Variants in RAPGEF2 observed in about 807,000 individuals in gnomAD.
The protein encoded by RAPGEF2 is PDZ domain containing guanine nucleotide exchange factor (GEF) 1.
RAPGEF2 carries 54 observed loss-of-function variants against 186.7 expected under a neutral mutation model. The ratio of observed to expected loss-of-function variants is 0.29; its 90% confidence interval spans 0.23 to 0.36. The LOEUF (loss-of-function observed/expected upper bound fraction) is 0.36. Ranked by LOEUF, RAPGEF2 falls within the 10% of genes least tolerant of loss-of-function variation. The probability of loss-of-function intolerance (pLI) is 1.00; values close to 1 mark genes in which losing one functional copy is unlikely to be tolerated. For synonymous variants in RAPGEF2, 712 were observed against 705.9 expected (o/e 1.01, Z -0.14); for missense variants, 1,532 against 2,045.0 (o/e 0.75, Z 4.84).
At chr4:159,120,977 C>T (rs1350145266) in intron 1 of RAPGEF2, among the ~76,000 whole-genome samples, 1 of 152,072 alleles carries the variant, frequency 6.6e-6, no homozygotes, top group African/African-American at 2.4e-5. Flanking sequence ...TCCTCTGCCT[C>T]CCTACTAGCT....
At chr4:159,199,816 C>G (rs1223953157) in intron 3 of RAPGEF2, among the ~76,000 whole-genome samples, 2 of 152,064 alleles carry the variant, frequency 1.3e-5, no homozygotes, top group Non-Finnish European at 2.9e-5. Flanking sequence ...GTATAAGTTA[C>G]CTTTCATTTT....
intron 26 of RAPGEF2, 60 bp from the exon 27 acceptor site, chr4:159,352,625 C>T: frequency 1.4e-6 from 2 of 1,382,466 alleles, no homozygotes; most frequent in Non-Finnish European, 2.0e-6. Flanking sequence ...ATTTGGTAGA[C>T]TTCCCTTTGA....
Position 159,353,867 on chromosome 4 carries a change from C to T in RAPGEF2, c.4472C>T (p.Thr1491Ile), listed in dbSNP as rs781764802. 1 of 1,614,160 alleles carries T rather than the reference C, an allele frequency of 6.2e-7. No homozygotes were observed. The highest frequency in any genetic ancestry group is 2.2e-5 in the East Asian group (1 of 44,888). The change falls in exon 28 of 30, where the codon ACA becomes ATA. Residue 1491 changes from threonine to isoleucine, a missense_variant. Physicochemically the swap from Thr to Ile is moderately conservative, Grantham distance 89 (BLOSUM62 -1). Around this residue, in one of 4 missense-constraint regions of RAPGEF2, gnomAD observed 594 missense variants for 608.5 expected, o/e 0.98. Coordinates refer to ENST00000691494, the MANE Select transcript of RAPGEF2 (RefSeq NM_001394067.2). This position sits in a 1 kb window ranked among gnomAD's most constrained non-coding sequence, Gnocchi z 4.3. ...AQSRASWASS[T>I]GYWGEDSEGD... ...TCCCGAGCAAGCTGGGCGTCTTCCA[C>T]AGGTTACTGGGGAGAAGACTCAGAA...
Position 159,157,663 on chromosome 4 carries a change from G to C in RAPGEF2, c.70-28979G>C, listed in dbSNP as rs570301260. ...TCTGTCTAAAGGAATTCTTCACCAA[G>C]TCCGTTCTTCAGGGGGAAGGGGAAA... On this transcript the variant is annotated intron_variant, in intron 1 of 29. Coordinates refer to ENST00000691494, the MANE Select transcript of RAPGEF2 (RefSeq NM_001394067.2). Among the ~76,000 whole-genome samples the C allele has an allele frequency of 1.1e-3, 173 of 152,310 alleles. No homozygotes were observed. The Middle Eastern group carries it at 0.02, about 18-fold the overall frequency.
chr4:159,323,564 A>G lies in RAPGEF2; in HGVS notation c.1096A>G (p.Met366Val), dbSNP rs1011909709. ...MGNSFGVSPT[M>V]DKEYMKGVMR... ...AAATAGTTTTGGTGTCTCTCCTACC[A>G]TGGACAAAGAATACATGAAAGGAGT... is the stretch of plus-strand genomic sequence containing the variant. The change falls in exon 11 of 30, where the codon ATG (methionine) becomes GTG (valine). Residue 366 changes from methionine to valine, a missense_variant. Physicochemically the swap from Met to Val is conservative, Grantham distance 21. Transcript: ENST00000691494. The G allele has an allele frequency of 6.2e-7, 1 of 1,612,070 alleles. No individual in the cohort carries two copies. Among genetic ancestry groups the G allele is most frequent in the Non-Finnish European group, 8.5e-7 (1 of 1,178,876 alleles).
At chr4:159,241,526 TAATAAATATAAA>T (rs1256191951) in intron 6 of RAPGEF2, among the ~76,000 whole-genome samples, 158 bp downstream of exon 6, 1 of 148,448 alleles carries the variant, frequency 6.7e-6, no homozygotes, top group African/African-American at 2.4e-5. Flanking sequence ...TTTGTTATAT[TAATAAATATAAA>T]AATAAATATA....
At chr4:159,127,853 T>A (rs1740532108) in intron 1 of RAPGEF2, among the ~76,000 whole-genome samples, 1 of 152,222 alleles carries the variant, frequency 6.6e-6, no homozygotes, top group South Asian at 2.1e-4. Flanking sequence ...TGTAAATTAT[T>A]TTAAGACAGT....
At chr4:159,336,638 G>A (rs917362079) in intron 17 of RAPGEF2, among the ~76,000 whole-genome samples, 1 of 152,088 alleles carries the variant, frequency 6.6e-6, no homozygotes, top group East Asian at 1.9e-4. Flanking sequence ...CAAAACGTGT[G>A]CAAGTGTCTT....
At chr4:159,342,535 T>C (rs1471258237) in intron 20 of RAPGEF2, among the ~76,000 whole-genome samples, 1 of 107,366 alleles carries the variant, frequency 9.3e-6, no homozygotes, top group Non-Finnish European at 1.9e-5. Flanking sequence ...GCTTTTATTT[T>C]ATTTTATTTT....
Position 159,323,453 on chromosome 4 carries a change from G to T in RAPGEF2, c.991-6G>T. 6.3e-7 allele frequency: 1 copy of T among 1,588,484 alleles called. No individual in the cohort carries two copies. On this transcript the variant is annotated splice_region_variant and splice_polypyrimidine_tract_variant and intron_variant, in intron 10 of 29. Transcript: ENST00000691494. ...TTTCTGCTTTGTCTTTATTTTTTTGGATTAGCTGGACTCCTGGTCAGTGAT... is the reference window on the plus strand; with the variant it reads ...TTTCTGCTTTGTCTTTATTTTTTTGTATTAGCTGGACTCCTGGTCAGTGAT...
chr4:159,240,396 C>T (rs913084255), intron 5 of RAPGEF2, among the ~76,000 whole-genome samples: 5 of 120,396 alleles, frequency 4.2e-5, no homozygotes, highest in African/African-American at 9.8e-5. Flanking sequence ...TGCAGTGGCG[C>T]GATCTCAGCT....
intron 9 of RAPGEF2, among the ~76,000 whole-genome samples, chr4:159,319,886 A>G (rs1765035640): frequency 6.6e-6 from 1 of 152,160 alleles, no homozygotes. Flanking sequence ...CTTTAAAATT[A>G]TTACAACAAA....
intron 7 of RAPGEF2, among the ~76,000 whole-genome samples, chr4:159,298,776 TA>T (rs1561236277): frequency 1.3e-5 from 2 of 152,156 alleles, no homozygotes; most frequent in African/African-American, 4.8e-5. Flanking sequence ...CATCTAGGCT[TA>T]GATTCCAGCT....
At chr4:159,294,500 A>C (rs908772504) in intron 7 of RAPGEF2, among the ~76,000 whole-genome samples, 1 of 152,218 alleles carries the variant, frequency 6.6e-6, no homozygotes, top group Non-Finnish European at 1.5e-5. Flanking sequence ...GAATATTACC[A>C]GTATTTCTAT....
intron 1 of RAPGEF2, among the ~76,000 whole-genome samples, chr4:159,111,466 G>T (rs2111063206): frequency 1.3e-5 from 2 of 152,342 alleles, no homozygotes; most frequent in Admixed American, 1.3e-4. Context: ...AACCGACACA[G>T]TGTAATATCT....
At chr4:159,171,755 A>T (rs148884201) in intron 1 of RAPGEF2, among the ~76,000 whole-genome samples, 3 of 152,064 alleles carry the variant, frequency 2.0e-5, no homozygotes, top group Non-Finnish European at 2.9e-5. Flanking sequence ...GAAAGTTTTC[A>T]TAGAGAATAA....
intron 4 of RAPGEF2, among the ~76,000 whole-genome samples, chr4:159,214,273 A>G (rs577341523): frequency 3.9e-5 from 6 of 152,346 alleles, no homozygotes; most frequent in African/African-American, 1.4e-4. Flanking sequence ...GATTACACCC[A>G]TAGTCATTGT....
intron 17 of RAPGEF2, among the ~76,000 whole-genome samples, chr4:159,333,910 A>G (rs1297443409): frequency 6.6e-6 from 1 of 152,232 alleles, no homozygotes; most frequent in Non-Finnish European, 1.5e-5. Context: ...TCCGTTTCAG[A>G]TCTTTTTTAA....
intron 3 of RAPGEF2, among the ~76,000 whole-genome samples, chr4:159,196,095 A>G (rs1748627362): frequency 6.6e-6 from 1 of 152,060 alleles, no homozygotes; most frequent in Non-Finnish European, 1.5e-5. Flanking sequence ...TATTCCACAA[A>G]TTATGATTTC....
Sources: allele counts gnomAD v4.1 joint callset (sites outside exome capture counted in the v4.1 genomes callset), GRCh38; gene constraint gnomAD v4.1.1; regional missense constraint gnomAD v4.1.1; non-coding constraint Gnocchi (gnomAD v3.1); transcripts MANE v1.5; gene names NCBI Gene and HGNC (gene_info 2026-07-23, HGNC 2026-07-21).